The following ASIC2 variants were observed in gnomAD, a reference collection of about 807,000 sequenced individuals.
ASIC2 encodes acid sensing ion channel subunit 2, also known as acid-sensing ion channel 2.
Under a neutral mutation model 57.3 loss-of-function variants are expected in ASIC2, and 25 were observed. That is an observed-to-expected ratio of 0.44 (90% CI 0.32 to 0.61). The LOEUF is 0.61. ASIC2 is among the 20% of genes least tolerant of loss of function. The pLI is 0.06. For synonymous variants in ASIC2, 319 were observed against 307.5 expected (o/e 1.04, Z -0.39); for missense variants, 641 against 738.1 (o/e 0.87, Z 1.52).
chr17:33,934,567 T>G (rs1916016523), intron 1 of ASIC2, among the ~76,000 whole-genome samples: 1 of 152,160 alleles, frequency 6.6e-6, no homozygotes, highest in Non-Finnish European at 1.5e-5. Flanking sequence ...GAGGAGGACC[T>G]GACACACCCC....
intron 1 of ASIC2, among the ~76,000 whole-genome samples, chr17:34,096,565 A>C (rs755929635): frequency 6.6e-6 from 1 of 152,168 alleles, no homozygotes; most frequent in Non-Finnish European, 1.5e-5. Context: ...AATGGATTTA[A>C]AAGGAGGCAG....
At chr17:33,324,475 C>G (rs768863521) in intron 1 of ASIC2, among the ~76,000 whole-genome samples, 2 of 151,944 alleles carry the variant, frequency 1.3e-5, no homozygotes, top group African/African-American at 2.4e-5. Flanking sequence ...TAGCAGGATA[C>G]AGTATATGAC....
At chr17:33,222,045 CT>C (rs1907708281) in intron 1 of ASIC2, among the ~76,000 whole-genome samples, 1 of 152,108 alleles carries the variant, frequency 6.6e-6, no homozygotes. Flanking sequence ...GGTGGGTTCT[CT>C]GTAGTGCAAC....
chr17:33,334,511 C>G (rs562190151), intron 1 of ASIC2, among the ~76,000 whole-genome samples: 4 of 152,166 alleles, frequency 2.6e-5, no homozygotes, highest in African/African-American at 9.7e-5. Context: ...ACCAACTGTC[C>G]TTTTGTGACC....
At chr17:34,118,527 A>C (rs2142116868) in intron 1 of ASIC2, 1 of 152,298 alleles carries the variant, frequency 6.6e-6, no homozygotes, top group South Asian at 2.1e-4. Context: ...CGTTAGACAC[A>C]CAGACCAGCC....
At chr17:33,746,715 C>A (rs762834370) in intron 1 of ASIC2, among the ~76,000 whole-genome samples, 1 of 151,950 alleles carries the variant, frequency 6.6e-6, no homozygotes, top group Non-Finnish European at 1.5e-5. Context: ...CAACACTATA[C>A]ATAAATCAGT....
intron 1 of ASIC2, among the ~76,000 whole-genome samples, chr17:33,440,428 A>G (rs1254655386): frequency 6.6e-6 from 1 of 152,258 alleles, no homozygotes; most frequent in Non-Finnish European, 1.5e-5. Context: ...TGTTATAAAC[A>G]ATTGCATACA....
chr17:33,876,039 C>T (rs968481595), intron 1 of ASIC2, among the ~76,000 whole-genome samples: 1 of 152,094 alleles, frequency 6.6e-6, no homozygotes, highest in Non-Finnish European at 1.5e-5. Flanking sequence ...TGGGTCTAAA[C>T]GAGTAGAGGA....
chr17:33,672,464 T>C (rs1034323929), intron 1 of ASIC2, among the ~76,000 whole-genome samples: 2 of 151,644 alleles, frequency 1.3e-5, no homozygotes, highest in African/African-American at 4.8e-5. Flanking sequence ...AAAAAATACA[T>C]CACCCAAACA....
chr17:33,379,732 C>T (rs1482242652), intron 1 of ASIC2, among the ~76,000 whole-genome samples: 1 of 152,220 alleles, frequency 6.6e-6, no homozygotes, highest in African/African-American at 2.4e-5. Context: ...TTAGTTACTG[C>T]TCTTATTCAT....
At chr17:33,102,325 C>G (rs1251386554) in intron 2 of ASIC2, among the ~76,000 whole-genome samples, 1 of 152,234 alleles carries the variant, frequency 6.6e-6, no homozygotes, top group Non-Finnish European at 1.5e-5. Context: ...TTGGCTGCTT[C>G]TGTTGAGAAG....
intron 1 of ASIC2, chr17:34,155,891 C>T: frequency 6.8e-7 from 1 of 1,466,322 alleles, no homozygotes; most frequent in South Asian, 1.3e-5. Context: ...TCCCAAAGCA[C>T]AAGGAAACCC....
intron 1 of ASIC2, among the ~76,000 whole-genome samples, chr17:33,560,002 GA>G (rs1231902812): frequency 1.3e-5 from 2 of 152,194 alleles, no homozygotes; most frequent in Non-Finnish European, 2.9e-5. Context: ...CTCATGTGCA[GA>G]AAATGTGACA....
intron 1 of ASIC2, among the ~76,000 whole-genome samples, chr17:33,967,721 A>C (rs1905114520): frequency 6.6e-6 from 1 of 152,202 alleles, no homozygotes; most frequent in Non-Finnish European, 1.5e-5. Flanking sequence ...AGTATATCTG[A>C]TGCTCAATTA....
At chr17:33,095,884 C>T (rs767360635) in intron 2 of ASIC2, among the ~76,000 whole-genome samples, 10 of 152,248 alleles carry the variant, frequency 6.6e-5, no homozygotes, top group Non-Finnish European at 8.8e-5. Context: ...GGCCTCACTG[C>T]TACCTATGAT....
At chr17:34,045,449 A>G (rs923476198) in intron 1 of ASIC2, among the ~76,000 whole-genome samples, 7 of 152,200 alleles carry the variant, frequency 4.6e-5, no homozygotes, top group African/African-American at 1.7e-4. Flanking sequence ...CTGAGACTAT[A>G]CCAGGAATTC....
chr17:34,037,249 G>A (rs1026525655), intron 1 of ASIC2: 1 of 181,868 alleles, frequency 5.5e-6, no homozygotes, highest in Non-Finnish European at 1.2e-5. Flanking sequence ...AGCCCAGTCT[G>A]TATTTTCAAG....
chr17:33,842,892 G>C lies in ASIC2; in HGVS notation c.555+313086C>G, dbSNP rs60875939. 7.8e-3 allele frequency among the ~76,000 whole-genome samples: 1,188 copies of C among 152,266 alleles called. 16 individuals are homozygous for C. Among genetic ancestry groups the C allele is most frequent in the African/African-American group, 0.027 (1,128 of 41,554 alleles). ...ATGGGTTTGGAGAGGGCCCAGCGGG[G>C]AGAGCCAGGATGGATGAGTGGAATT... On this transcript the variant is annotated intron_variant, in intron 1 of 9. Coordinates refer to the ASIC2 transcript ENST00000359872.
intron 1 of ASIC2, among the ~76,000 whole-genome samples, chr17:34,033,016 T>A (rs555063048): frequency 1.9e-4 from 29 of 152,222 alleles, no homozygotes; most frequent in Admixed American, 5.9e-4. Flanking sequence ...AAGCGGACCT[T>A]GTAGACATCT....
Sources: allele counts gnomAD v4.1 joint callset (sites outside exome capture counted in the v4.1 genomes callset), GRCh38; gene constraint gnomAD v4.1.1; transcripts MANE v1.5; gene names NCBI Gene and HGNC (gene_info 2026-07-23, HGNC 2026-07-21).